The following SAMD12 variants were observed in gnomAD, a reference collection of about 807,000 sequenced individuals.
The protein encoded by SAMD12 is sterile alpha motif domain containing 12, also known as sterile alpha motif domain-containing protein 12.
In SAMD12, 9 loss-of-function variants were observed where a neutral mutation model predicts 15.0. The ratio of observed to expected loss-of-function variants is 0.60; its 90% CI spans 0.36 to 1.05. The LOEUF (loss-of-function observed/expected upper bound fraction) is 1.05. SAMD12 is among the 50% of genes least tolerant of loss of function. The probability of loss-of-function intolerance (pLI) is 0.01; values close to 1 mark genes in which losing one functional copy is unlikely to be tolerated. For synonymous variants in SAMD12, 86 were observed against 90.1 expected, an observed-to-expected ratio of 0.96 and a Z score of 0.25; for missense variants, 230 against 234.2, an observed-to-expected ratio of 0.98 and a Z score of 0.12.
chr8:118,424,660 G>A (rs1371509611), intron 3 of SAMD12, among the ~76,000 whole-genome samples: 1 of 152,128 alleles, frequency 6.6e-6, no homozygotes, highest in Admixed American at 6.5e-5. Context: ...GTCCTAAAAG[G>A]ATCTTGGCCA....
intron 4 of SAMD12, among the ~76,000 whole-genome samples, chr8:118,344,528 T>C (rs1041814817): frequency 8.5e-5 from 13 of 152,218 alleles, no homozygotes; most frequent in Admixed American, 3.3e-4. Context: ...AAGTGGGATA[T>C]GAACTGGGTT....
At chr8:118,319,131 C>T (rs1586514614) in intron 4 of SAMD12, among the ~76,000 whole-genome samples, 1 of 152,112 alleles carries the variant, frequency 6.6e-6, no homozygotes, top group African/African-American at 2.4e-5. Context: ...AGGTATAGTT[C>T]ATAAATATCT....
chr8:118,535,896 C>T (rs889779254), intron 2 of SAMD12, among the ~76,000 whole-genome samples: 4 of 152,230 alleles, frequency 2.6e-5, no homozygotes, highest in South Asian at 2.1e-4. Flanking sequence ...TTGCACTTCC[C>T]GGGTGAGGCA....
intron 4 of SAMD12, among the ~76,000 whole-genome samples, chr8:118,251,068 G>A (rs555441058): frequency 6.6e-6 from 1 of 152,246 alleles, no homozygotes; most frequent in African/African-American, 2.4e-5. Flanking sequence ...TAATCCTGAG[G>A]CAACACTAGC....
chr8:118,502,977 A>G (rs1323238989), intron 2 of SAMD12, among the ~76,000 whole-genome samples: 1 of 152,240 alleles, frequency 6.6e-6, no homozygotes, highest in Non-Finnish European at 1.5e-5. Context: ...AGAAAAAGCC[A>G]CTAATGTGAC....
At chr8:118,168,996 T>C in the SAMD12 span, among the ~76,000 whole-genome samples, 2 of 152,192 alleles carry the variant, frequency 1.3e-5, no homozygotes, top group East Asian at 1.9e-4. Flanking sequence ...TTAATACTTA[T>C]TTTTTTCTTT....
chr8:118,593,154 T>C (rs926741480), intron 1 of SAMD12, among the ~76,000 whole-genome samples: 2 of 152,174 alleles, frequency 1.3e-5, no homozygotes, highest in East Asian at 3.8e-4. Flanking sequence ...ATAACATATA[T>C]ATATTTTTTG....
chr8:118,232,423 T>G (rs993276286), intron 4 of SAMD12, among the ~76,000 whole-genome samples: 5 of 152,050 alleles, frequency 3.3e-5, no homozygotes, highest in Non-Finnish European at 5.9e-5. Context: ...CATGGGGTAT[T>G]TGAGGACATG....
At chr8:118,298,371 T>C (rs1188050947) in intron 4 of SAMD12, among the ~76,000 whole-genome samples, 2 of 152,212 alleles carry the variant, frequency 1.3e-5, no homozygotes, top group African/African-American at 4.8e-5. Flanking sequence ...CTCAGAGGCA[T>C]ATACAATGTT....
chr8:118,499,496 A>T lies in SAMD12; in HGVS notation c.193-59535T>A, dbSNP rs537773227. On this transcript the variant is annotated intron_variant, in intron 2 of 3. Transcript: ENST00000314727. The stretch of plus-strand genomic sequence containing the variant: ...AACGTCATGTAACCTCCTCAAGCCA[A>T]AGTTACATGGTAATAATACCTCTCC... Among the ~76,000 whole-genome samples, 6 of 152,340 alleles carry T rather than the reference A, an allele frequency of 3.9e-5. No homozygotes were observed. In the East Asian group the frequency reaches 1.2e-3, roughly 29 times the overall value.
intron 2 of SAMD12, among the ~76,000 whole-genome samples, chr8:118,542,304 A>C (rs748183919): frequency 6.6e-6 from 1 of 152,224 alleles, no homozygotes; most frequent in Non-Finnish European, 1.5e-5. Context: ...TCAATGAAAA[A>C]ATAGATACAT....
chr8:118,395,766 G>A (rs754125428), intron 3 of SAMD12, among the ~76,000 whole-genome samples: 13 of 152,136 alleles, frequency 8.5e-5, no homozygotes, highest in African/African-American at 2.4e-4. Context: ...AGACCATCCC[G>A]GCTAACACGG....
At chr8:118,383,472 G>T (rs895565954) in intron 3 of SAMD12, among the ~76,000 whole-genome samples, 4 of 151,982 alleles carry the variant, frequency 2.6e-5, no homozygotes, top group African/African-American at 4.8e-5. Context: ...TTTTAAAGTT[G>T]CCACATGAAT....
At chr8:118,619,478 CAAAAA>C (rs33947611) in intron 1 of SAMD12, among the ~76,000 whole-genome samples, 1 of 112,212 alleles carries the variant, frequency 8.9e-6, no homozygotes, top group Non-Finnish European at 1.8e-5. Context: ...GACTCTGTCT[CAAAAA>C]AAAAAAAAAA....
At chr8:118,335,896 C>G (rs1817033757) in intron 4 of SAMD12, among the ~76,000 whole-genome samples, 2 of 152,130 alleles carry the variant, frequency 1.3e-5, no homozygotes, top group South Asian at 4.1e-4. Context: ...ACCACTAGCC[C>G]TCTAAGTTTT....
At chr8:118,166,279 A>G in the SAMD12 span, among the ~76,000 whole-genome samples, 1 of 152,198 alleles carries the variant, frequency 6.6e-6, no homozygotes, top group Non-Finnish European at 1.5e-5. Context: ...TTTGTACAGA[A>G]TACTTTGTCT....
chr8:118,507,994 T>C lies in SAMD12; in HGVS notation c.193-68033A>G, dbSNP rs889331316. On this transcript the variant is annotated intron_variant, in intron 2 of 3. Coordinates refer to ENST00000314727, the MANE Select transcript of SAMD12 (RefSeq NM_207506.3). The stretch of plus-strand genomic sequence containing the variant: ...AACCCCTAGATAGTATAATCTCCTT[T>C]TTTTTTTTTTTTTTTTTGAGACAGG... Among the ~76,000 whole-genome samples, 8 of 138,272 alleles carry C rather than the reference T, an allele frequency of 5.8e-5. No individual in the cohort carries two copies. The East Asian group carries it at 6.3e-4, about 11-fold the overall frequency. The allele number at this position is 138,272 out of a possible 152,430, so 90.7% of individuals were successfully genotyped here. A position where few individuals can be genotyped will look rare whatever the true frequency, so the allele number is the denominator to read the frequency against.
At chr8:118,514,630 T>C (rs76007201) in intron 2 of SAMD12, among the ~76,000 whole-genome samples, 1 of 152,350 alleles carries the variant, frequency 6.6e-6, no homozygotes, top group Non-Finnish European at 1.5e-5. Flanking sequence ...AATGCTAATT[T>C]AGTCAACATA....
intron 4 of SAMD12, among the ~76,000 whole-genome samples, chr8:118,370,296 G>A (rs1408931135): frequency 6.6e-6 from 1 of 152,164 alleles, no homozygotes; most frequent in African/African-American, 2.4e-5. Flanking sequence ...AGATGCTGGT[G>A]AGGTTGTGGA....
Sources: allele counts gnomAD v4.1 joint callset (sites outside exome capture counted in the v4.1 genomes callset), GRCh38; gene constraint gnomAD v4.1.1; transcripts MANE v1.5; gene names NCBI Gene and HGNC (gene_info 2026-07-23, HGNC 2026-07-21).